The following ERG variants were observed in gnomAD, a reference collection of about 807,000 sequenced individuals.
The protein encoded by ERG is transcriptional regulator ERG.
Under a neutral mutation model 55.3 loss-of-function variants are expected in ERG, and 9 were observed. The ratio of observed to expected loss-of-function variants is 0.16; its 90% CI spans 0.10 to 0.28. The LOEUF is 0.28. Ranked by LOEUF, ERG falls within the 10% of genes least tolerant of loss-of-function variation. ERG has a pLI of 1.00. For missense variants in ERG, 434 were observed against 631.6 expected (o/e 0.69, Z 3.35); for synonymous variants, 223 against 237.3 (o/e 0.94, Z 0.55).
rs1987532132 is a variant in ERG at position 38,383,322 on chromosome 21, C to T, written c.*81G>A. The T allele has an allele frequency of 1.5e-6, 2 of 1,363,952 alleles. No homozygotes were observed. The highest frequency in any genetic ancestry group is 3.1e-5 in the Admixed American group (1 of 32,496). The allele number at this position is 1,363,952 out of a possible 1,614,324, so 84.5% of individuals were successfully genotyped here. A position where few individuals can be genotyped will look rare whatever the true frequency, so the allele number is the denominator to read the frequency against. On this transcript the variant is annotated 3_prime_UTR_variant, in exon 10 of 10. Transcript: ENST00000288319. The surrounding 1 kb of genome is among the most constrained non-coding windows in gnomAD (Gnocchi z 5.7). ...AGCTTTTTTCATTCCTCTTGAGGCA[C>T]TTTTGATTCATGTTCTCCGATAGAG...
chr21:38,605,492 A>G (rs2060191242), intron 1 of ERG, among the ~76,000 whole-genome samples: 1 of 152,198 alleles, frequency 6.6e-6, no homozygotes, highest in African/African-American at 2.4e-5. Flanking sequence ...ATTTACATAC[A>G]TTACACACAT....
At chr21:38,641,456 T>G (rs151185014) in intron 1 of ERG, among the ~76,000 whole-genome samples, 1 of 152,356 alleles carries the variant, frequency 6.6e-6, no homozygotes, top group African/African-American at 2.4e-5. Context: ...TATTTTGTTA[T>G]AGCAGCCTGA....
chr21:38,648,797 G>T (rs567026664), intron 1 of ERG, among the ~76,000 whole-genome samples: 1 of 152,354 alleles, frequency 6.6e-6, no homozygotes, highest in Admixed American at 6.5e-5. Flanking sequence ...AAGCACTTCA[G>T]ATCTGCAGCC....
chr21:38,650,301 G>T (rs1196695322), intron 1 of ERG, among the ~76,000 whole-genome samples: 7 of 152,148 alleles, frequency 4.6e-5, no homozygotes, highest in Admixed American at 4.6e-4. Flanking sequence ...TGCTAGTGAA[G>T]TTTCTTACTT....
At chr21:38,397,850 T>C (rs578262792) in intron 6 of ERG, among the ~76,000 whole-genome samples, 1 of 152,212 alleles carries the variant, frequency 6.6e-6, no homozygotes, top group African/African-American at 2.4e-5. Context: ...GACTCTATAA[T>C]GAAACGGCCA....
chr21:38,600,238 C>A (rs1346931312), intron 1 of ERG, among the ~76,000 whole-genome samples: 1 of 152,178 alleles, frequency 6.6e-6, no homozygotes, highest in East Asian at 1.9e-4. Context: ...AGTGAAAACA[C>A]CCAGGTTTGA....
At chr21:38,606,095 ATGAT>A (rs2060195378) in intron 1 of ERG, among the ~76,000 whole-genome samples, 1 of 152,140 alleles carries the variant, frequency 6.6e-6, no homozygotes, top group African/African-American at 2.4e-5. Context: ...AGGTAGATAA[ATGAT>A]TGATAGAAGA....
intron 1 of ERG, among the ~76,000 whole-genome samples, chr21:38,644,417 T>C (rs2060443952): frequency 6.6e-6 from 1 of 152,236 alleles, no homozygotes. Flanking sequence ...CCACTTGTTT[T>C]CTGAAGGTTT....
intron 2 of ERG, among the ~76,000 whole-genome samples, chr21:38,533,472 C>T (rs892689290): frequency 2.6e-5 from 4 of 152,148 alleles, no homozygotes; most frequent in Admixed American, 6.5e-5. Flanking sequence ...TTTGAAGATG[C>T]TTGCCAATGG....
intron 3 of ERG, among the ~76,000 whole-genome samples, chr21:38,409,290 C>A (rs963785574): frequency 2.0e-5 from 3 of 152,130 alleles, no homozygotes; most frequent in Admixed American, 1.3e-4. Flanking sequence ...TTGAGACCAG[C>A]CTGACCAACA....
intron 1 of ERG, among the ~76,000 whole-genome samples, chr21:38,631,859 C>T (rs1054636468): frequency 1.3e-4 from 19 of 151,982 alleles, no homozygotes; most frequent in Admixed American, 1.2e-3. Flanking sequence ...AAACCGAATC[C>T]CACAGACAGT....
At chr21:38,398,834 T>G (rs1988352599) in intron 6 of ERG, among the ~76,000 whole-genome samples, 1 of 152,222 alleles carries the variant, frequency 6.6e-6, no homozygotes, top group Non-Finnish European at 1.5e-5. Flanking sequence ...TAACACAGTT[T>G]ATAATACTAG....
intron 1 of ERG, among the ~76,000 whole-genome samples, chr21:38,452,458 T>C (rs1031640385): frequency 3.9e-5 from 6 of 152,154 alleles, no homozygotes. Flanking sequence ...ATAATGTATA[T>C]ACAAAAATAT....
intron 1 of ERG, chr21:38,575,866 AT>A: frequency 1.3e-6 from 1 of 774,910 alleles, no homozygotes; most frequent in Non-Finnish European, 2.1e-6. Context: ...TACATTAAAC[AT>A]GTTTGCCTAA....
intron 2 of ERG, among the ~76,000 whole-genome samples, chr21:38,561,716 T>G (rs2059893792): frequency 6.6e-6 from 1 of 152,196 alleles, no homozygotes; most frequent in East Asian, 1.9e-4. Context: ...TCATAAAATT[T>G]TATAAGACTA....
At chr21:38,491,489 T>C (rs1393582670) in intron 1 of ERG, among the ~76,000 whole-genome samples, 1 of 152,256 alleles carries the variant, frequency 6.6e-6, no homozygotes, top group African/African-American at 2.4e-5. Flanking sequence ...AAAGTTATTA[T>C]ATTTTCAAAA....
chr21:38,409,309 C>T (rs1349376976), intron 3 of ERG, among the ~76,000 whole-genome samples: 1 of 151,962 alleles, frequency 6.6e-6, no homozygotes, highest in African/African-American at 2.4e-5. Flanking sequence ...CATGGAGAAA[C>T]CTCATCTCTA....
chr21:38,612,018 T>A (rs2060230382), intron 1 of ERG, among the ~76,000 whole-genome samples: 1 of 152,160 alleles, frequency 6.6e-6, no homozygotes. Flanking sequence ...ACCTTTTAAA[T>A]CATTTTTCTC....
intron 2 of ERG, among the ~76,000 whole-genome samples, chr21:38,569,333 G>A (rs754868971): frequency 2.0e-5 from 3 of 152,236 alleles, no homozygotes; most frequent in Admixed American, 6.5e-5. Context: ...ACTTGGAAAC[G>A]GCCCGTGCCC....
Sources: allele counts gnomAD v4.1 joint callset (sites outside exome capture counted in the v4.1 genomes callset), GRCh38; gene constraint gnomAD v4.1.1; non-coding constraint Gnocchi (gnomAD v3.1); transcripts MANE v1.5; gene names NCBI Gene and HGNC (gene_info 2026-07-23, HGNC 2026-07-21).